CADM2: variants seen among roughly 807,000 people sequenced by gnomAD.
CADM2 encodes immunoglobulin superfamily member 4D.
CADM2 carries 12 observed loss-of-function variants against 49.8 expected under a neutral mutation model. The observed-to-expected ratio is 0.24, with a 90% confidence interval of 0.15 to 0.39. The LOEUF (loss-of-function observed/expected upper bound fraction) is 0.39, where lower values mean the gene tolerates loss of function less well. CADM2 is among the 10% of genes least tolerant of loss of function. The probability of loss-of-function intolerance (pLI) is 1.00; values close to 1 mark genes in which losing one functional copy is unlikely to be tolerated. For missense variants in CADM2, 378 were observed against 492.3 expected, an observed-to-expected ratio of 0.77 and a Z score of 2.20; for synonymous variants, 214 against 175.4, an observed-to-expected ratio of 1.22 and a Z score of -1.74.
rs557185275 is a variant in CADM2, at chr3:84,988,910, T to TA, written c.61+29248dup. Among the ~76,000 whole-genome samples the TA allele has an allele frequency of 2.2e-3, 335 of 152,308 alleles. 1 individual carries two copies. Among genetic ancestry groups the TA allele is most frequent in the Non-Finnish European group, 3.6e-3 (245 of 68,026 alleles). The stretch of plus-strand genomic sequence containing the variant: ...TGTTGTACCACTAACATTTTTTATT[T>TA]AAAAAATTATTAATTTAGAAAATGT... On this transcript the variant is annotated intron_variant, in intron 1 of 9. Coordinates refer to ENST00000383699, the MANE Select transcript of CADM2 (RefSeq NM_001167675.2).
intron 1 of CADM2, among the ~76,000 whole-genome samples, chr3:85,250,521 C>A (rs1214703319): frequency 6.6e-6 from 1 of 151,326 alleles, no homozygotes; most frequent in African/African-American, 2.4e-5. Flanking sequence ...AGACAATACA[C>A]AACTACACAA....
chr3:85,058,522 A>G (rs111381199), intron 1 of CADM2, among the ~76,000 whole-genome samples: 13,156 of 151,890 alleles, frequency 0.087, 1,844 homozygotes, highest in African/African-American at 0.3. Context: ...TTGGCTCACC[A>G]CACCCTCTGT....
chr3:85,315,053 A>G (rs761948073), intron 1 of CADM2, among the ~76,000 whole-genome samples: 1 of 152,134 alleles, frequency 6.6e-6, no homozygotes, highest in African/African-American at 2.4e-5. Context: ...TTAGGAGAGG[A>G]TCTTTACTTG....
At chr3:85,401,857 C>G (rs1325422201) in intron 1 of CADM2, among the ~76,000 whole-genome samples, 1 of 152,052 alleles carries the variant, frequency 6.6e-6, no homozygotes, top group Non-Finnish European at 1.5e-5. Flanking sequence ...TCACACCTGC[C>G]AAACACAGAA....
At chr3:86,036,025 A>G (rs887043801) in intron 8 of CADM2, among the ~76,000 whole-genome samples, 13 of 152,054 alleles carry the variant, frequency 8.5e-5, no homozygotes, top group African/African-American at 3.1e-4. Context: ...TGGATGATCG[A>G]CCTTCATGAT....
chr3:85,898,695 T>C (rs1683621893), intron 5 of CADM2, among the ~76,000 whole-genome samples: 1 of 151,494 alleles, frequency 6.6e-6, no homozygotes, highest in Admixed American at 6.6e-5. Context: ...TACGCCACAA[T>C]TAGTTACCTG....
chr3:85,698,522 G>A (rs570103788), intron 1 of CADM2, among the ~76,000 whole-genome samples: 101 of 152,212 alleles, frequency 6.6e-4, no homozygotes, highest in Non-Finnish European at 1.1e-3. Context: ...GGAAGCCTCA[G>A]GAAACTTACA....
intron 1 of CADM2, among the ~76,000 whole-genome samples, chr3:85,035,566 A>C (rs1346072136): frequency 1.3e-5 from 2 of 152,134 alleles, no homozygotes; most frequent in East Asian, 3.9e-4. Flanking sequence ...TCTTAGATTT[A>C]AGTGTTTAAT....
intron 8 of CADM2, among the ~76,000 whole-genome samples, chr3:85,983,989 A>G (rs1297528927): frequency 2.0e-5 from 3 of 150,432 alleles, no homozygotes; most frequent in African/African-American, 7.3e-5. Context: ...CAGATTATAT[A>G]TATACATATG....
rs1553690316 is a variant in CADM2 at position 85,809,790 on chromosome 3, C to CTCTTTCTT, written c.238+7610_238+7617dup. On this transcript the variant is annotated intron_variant, in intron 3 of 9. Coordinates refer to ENST00000383699, the MANE Select transcript of CADM2 (RefSeq NM_001167675.2). ...TCTCTCTCTCTCTCTCTCTCTCTCT[C>CTCTTTCTT]TCTTTCTTTCTTTCTTTCTTTCTGT... Among the ~76,000 whole-genome samples, 108 of 98,946 alleles carry CTCTTTCTT rather than the reference C, an allele frequency of 1.1e-3. 4 individuals carry two copies. Among genetic ancestry groups the CTCTTTCTT allele is most frequent in the African/African-American group, 1.5e-3 (33 of 21,720 alleles). 64.9% of individuals were successfully genotyped at this position (98,946 alleles called of 152,430 possible). A position where few individuals can be genotyped will look rare whatever the true frequency, so the allele number is the denominator to read the frequency against.
chr3:84,982,734 T>TATATAC (rs1158903364), intron 1 of CADM2, among the ~76,000 whole-genome samples: 1 of 137,734 alleles, frequency 7.3e-6, no homozygotes, highest in Non-Finnish European at 1.5e-5. Flanking sequence ...TATATATATA[T>TATATAC]ACATTTTTTG....
intron 1 of CADM2, among the ~76,000 whole-genome samples, chr3:85,301,116 A>T (rs937127218): frequency 9.2e-5 from 14 of 152,078 alleles, no homozygotes; most frequent in African/African-American, 3.4e-4. Context: ...TGCAAAGTGG[A>T]TATGGAAAAT....
chr3:85,653,957 G>T (rs1475677696), intron 1 of CADM2, among the ~76,000 whole-genome samples: 1 of 152,236 alleles, frequency 6.6e-6, no homozygotes, highest in African/African-American at 2.4e-5. Context: ...ATAAGGGAAT[G>T]ATGAATGATG....
At chr3:86,006,478 C>T (rs62261598) in intron 8 of CADM2, among the ~76,000 whole-genome samples, 2,436 of 152,230 alleles carry the variant, frequency 0.016, 26 homozygotes, top group South Asian at 0.026. Context: ...CTGTTGAAGG[C>T]TTTGATTTCT....
chr3:85,852,824 T>C (rs1360218879), intron 3 of CADM2, among the ~76,000 whole-genome samples: 2 of 152,072 alleles, frequency 1.3e-5, no homozygotes, highest in Non-Finnish European at 2.9e-5. Context: ...TGATTTACTC[T>C]TTCTGGGAAG....
At chr3:86,030,436 A>C (rs1333236800) in intron 8 of CADM2, among the ~76,000 whole-genome samples, 1 of 152,026 alleles carries the variant, frequency 6.6e-6, no homozygotes, top group Non-Finnish European at 1.5e-5. Flanking sequence ...AATTCAGTGT[A>C]AACTCTATTT....
chr3:85,361,398 A>G (rs1395995229), intron 1 of CADM2, among the ~76,000 whole-genome samples: 1 of 152,090 alleles, frequency 6.6e-6, no homozygotes, highest in Non-Finnish European at 1.5e-5. Context: ...GGCTTTGGAA[A>G]ACTCAGGGGC....
At chr3:85,381,311 A>G (rs2033891470) in intron 1 of CADM2, among the ~76,000 whole-genome samples, 1 of 151,542 alleles carries the variant, frequency 6.6e-6, no homozygotes, top group Non-Finnish European at 1.5e-5. Flanking sequence ...AATTGATGAA[A>G]AACAAACTTC....
chr3:85,524,377 A>AT (rs898343625), intron 1 of CADM2, among the ~76,000 whole-genome samples: 1 of 152,034 alleles, frequency 6.6e-6, no homozygotes, highest in Non-Finnish European at 1.5e-5. Context: ...AAGTACTGGC[A>AT]TTTTACCCAT....
Sources: gnomAD v4.1 joint callset for allele counts (sites outside exome capture counted in the v4.1 genomes callset) on GRCh38, gnomAD v4.1.1 for gene constraint, MANE v1.5 for transcripts, NCBI Gene and HGNC (gene_info 2026-07-23, HGNC 2026-07-21) for gene names.